Variants in ADGRV1 observed in about 807,000 individuals in gnomAD.
ADGRV1 encodes the protein adhesion G protein-coupled receptor V1.
ADGRV1 carries 359 observed loss-of-function variants against 596.2 expected under a neutral mutation model. That is an observed-to-expected ratio of 0.60 (90% confidence interval 0.55 to 0.66). The LOEUF is 0.66. ADGRV1 is among the 30% of genes least tolerant of loss of function. ADGRV1 has a pLI of 0.00. For missense variants in ADGRV1, 7,274 were observed against 7,575.6 expected, an observed-to-expected ratio of 0.96 and a Z score of 1.48; for synonymous variants, 2,681 against 2,679.2, an observed-to-expected ratio of 1.00 and a Z score of -0.02.
chr5:90,842,004 G>C (rs1314789382), intron 78 of ADGRV1, among the ~76,000 whole-genome samples: 3 of 152,146 alleles, frequency 2.0e-5, no homozygotes, highest in Non-Finnish European at 4.4e-5. Flanking sequence ...ATTATTACTT[G>C]AATTTTCTAA....
intron 85 of ADGRV1, among the ~76,000 whole-genome samples, chr5:91,003,566 AAAAC>A (rs1240944519): frequency 6.6e-6 from 1 of 152,184 alleles, no homozygotes; most frequent in Non-Finnish European, 1.5e-5. Flanking sequence ...ATCCCAGGAG[AAAAC>A]ATCTCGCCTT....
chr5:90,808,443 G>A (rs1371641909), intron 73 of ADGRV1, among the ~76,000 whole-genome samples: 1 of 152,182 alleles, frequency 6.6e-6, no homozygotes, highest in African/African-American at 2.4e-5. Context: ...GTGTATTCAA[G>A]TATGTTTGTG....
At chr5:91,151,687 G>A (rs961330046) in intron 88 of ADGRV1, among the ~76,000 whole-genome samples, 1 of 152,092 alleles carries the variant, frequency 6.6e-6, no homozygotes, top group Admixed American at 6.5e-5. Context: ...GCTGCATGTG[G>A]CTATTTAAAT....
At chr5:90,965,564 A>G (rs756024575) in intron 84 of ADGRV1, 33 bp downstream of exon 84, 34 of 1,243,882 alleles carry the variant, frequency 2.7e-5, no homozygotes, top group Non-Finnish European at 4.0e-5. Flanking sequence ...CCGCCCCTTT[A>G]ATCTTTTAAT....
Position 90,647,500 on chromosome 5 carries a change from C to A in ADGRV1, c.3025C>A (p.Pro1009Thr). 6.2e-7 allele frequency: 1 copy of A among 1,605,374 alleles called. No homozygotes were observed. The change falls in exon 17 of 90, where the codon CCT becomes ACT. Residue 1009 changes from proline (P) to threonine (T), a missense_variant and splice_region_variant. Physicochemically the swap from Pro to Thr is conservative, Grantham distance 38 (BLOSUM62 -1). Coordinates refer to ENST00000405460, the MANE Select transcript of ADGRV1 (RefSeq NM_032119.4). ...RNDDPIYFAE[P>T]RVVRVQEGET... ...TTCTTTCTTTGTGGATATTTCAGAA[C>A]CTCGTGTAGTGAGGGTTCAGGAAGG...
At position 90,652,462 on chromosome 5, in the gene ADGRV1, T is replaced by C. The variant is rs1416898949; in HGVS notation, c.3533T>C (p.Phe1178Ser). The C allele has an allele frequency of 6.2e-7, 1 of 1,613,570 alleles. No homozygotes were observed. Among genetic ancestry groups the C allele is most frequent in the Admixed American group, 1.7e-5 (1 of 60,026 alleles). Residue 1178 changes from phenylalanine (F) to serine (S), a missense_variant, in exon 19 of 90, where the codon TTC (phenylalanine) becomes TCC (serine). Around this residue, in one of 5 missense-constraint regions of ADGRV1, gnomAD observed 1,715 missense variants for 1,708.8 expected, o/e 1.00. Coordinates refer to ENST00000405460, the MANE Select transcript of ADGRV1 (RefSeq NM_032119.4). ...TATGAAACTTCAGGAACTGTTAACT[T>C]CATGGATGGAGAAGAAGCAAAACCA... ...EFYETSGTVN[F>S]MDGEEAKPII...
chr5:90,887,402 T>C (rs1380674425), intron 83 of ADGRV1, among the ~76,000 whole-genome samples: 2 of 152,158 alleles, frequency 1.3e-5, no homozygotes, highest in Non-Finnish European at 2.9e-5. Context: ...CTGTATTCTC[T>C]CAGTTCATTT....
chr5:90,637,969 T>A (rs1284283600), intron 11 of ADGRV1, 21 bp downstream of exon 11: 2 of 1,524,552 alleles, frequency 1.3e-6, no homozygotes, highest in Non-Finnish European at 1.8e-6. Context: ...ATTTAGGTAA[T>A]GTTTAGTATC....
Position 90,924,403 on chromosome 5 carries a change from G to A in ADGRV1, c.17857-41012G>A, listed in dbSNP as rs147117207. On this transcript the variant is annotated intron_variant, in intron 83 of 89. Transcript: ENST00000405460. ...CCAGTGATGACGAACATTTTTTCAT[G>A]TGTGTTTTGGCTGCATAAATGTCTT... Among the ~76,000 whole-genome samples, 726 of 151,872 alleles carry A rather than the reference G, an allele frequency of 4.8e-3. 9 individuals are homozygous for A. Among genetic ancestry groups the A allele is most frequent in the African/African-American group, 0.015 (623 of 41,344 alleles).
intron 20 of ADGRV1, among the ~76,000 whole-genome samples, chr5:90,657,573 C>T (rs117887917): frequency 2.4e-4 from 37 of 151,978 alleles, no homozygotes; most frequent in East Asian, 5.8e-4. Context: ...TACATGCATA[C>T]GTGTGTATGT....
Position 90,756,547 on chromosome 5 carries a change from C to T in ADGRV1, c.11674C>T (p.Arg3892Trp), listed in dbSNP as rs766913299. 31 of 1,612,794 alleles carry T rather than the reference C, an allele frequency of 1.9e-5. 1 individual carries two copies. In the South Asian group the frequency reaches 2.4e-4, roughly 13 times the overall value. The part of the protein sequence containing the change: ...SDFSTGQPSV[R>W]RPGMEIAEIM... ...CTTCTCTACAGGACAGCCAAGTGTG[C>T]GGAGGCCCGGAATGGAAATAGCTGA... The change falls in exon 56 of 90, where the codon CGG (arginine) becomes TGG (tryptophan). Residue 3892 changes from arginine to tryptophan, a missense_variant. Around this residue, in one of 5 missense-constraint regions of ADGRV1, gnomAD observed 3,643 missense variants for 3,809.2 expected, o/e 0.96. Transcript: ENST00000405460.
At position 90,829,203 on chromosome 5, in the gene ADGRV1, T is replaced by C. The variant is rs1764322173; in HGVS notation, c.16611+17T>C. ...AGTACCCAGGTAAGCATGGAATATA[T>C]ATATTCATACACGTTATGGTTTTCT... On this transcript the variant is annotated intron_variant, in intron 77 of 89. Coordinates refer to ENST00000405460, the MANE Select transcript of ADGRV1 (RefSeq NM_032119.4). 6.8e-7 allele frequency: 1 copy of C among 1,468,828 alleles called. No individual in the cohort carries two copies. Among genetic ancestry groups the C allele is most frequent in the Non-Finnish European group, 9.1e-7 (1 of 1,099,058 alleles). The allele number at this position is 1,468,828 out of a possible 1,614,324, so 91.0% of individuals were successfully genotyped here. A position where few individuals can be genotyped will look rare whatever the true frequency, so the allele number is the denominator to read the frequency against.
chr5:90,728,306 AT>A (rs1353112107), intron 48 of ADGRV1, among the ~76,000 whole-genome samples: 17 of 152,256 alleles, frequency 1.1e-4, no homozygotes, highest in Non-Finnish European at 2.2e-4. Context: ...AATGTTTCTT[AT>A]TCCGTTCTAA....
chr5:91,093,537 G>C (rs761825701), intron 86 of ADGRV1, among the ~76,000 whole-genome samples: 26 of 152,248 alleles, frequency 1.7e-4, no homozygotes, highest in Non-Finnish European at 2.9e-4. Flanking sequence ...CCATGTGCTA[G>C]GCACTGGGAA....
chr5:90,673,914 TTAA>T, intron 22 of ADGRV1, 137 bp from the exon 23 acceptor site: 5 of 621,954 alleles, frequency 8.0e-6, no homozygotes, highest in Non-Finnish European at 1.4e-5. Flanking sequence ...ATACAATGTT[TTAA>T]TGTTTTAATT....
At chr5:90,576,434 G>C (rs952120508) in intron 1 of ADGRV1, among the ~76,000 whole-genome samples, 4 of 152,118 alleles carry the variant, frequency 2.6e-5, no homozygotes, top group African/African-American at 7.2e-5. Context: ...CCCTGCAAAG[G>C]ACATGAACTC....
chr5:90,801,493 G>T (rs575340788), intron 70 of ADGRV1, among the ~76,000 whole-genome samples: 1 of 151,818 alleles, frequency 6.6e-6, no homozygotes, highest in Non-Finnish European at 1.5e-5. Context: ...TACAGGAGAG[G>T]TGCGATATAC....
At chr5:91,051,244 G>A (rs1012731759) in intron 85 of ADGRV1, among the ~76,000 whole-genome samples, 1 of 152,110 alleles carries the variant, frequency 6.6e-6, no homozygotes, top group Non-Finnish European at 1.5e-5. Context: ...TATACAGGAA[G>A]TCCCTGATTC....
At chr5:90,855,636 G>A in intron 81 of ADGRV1, 105 bp from the exon 82 acceptor site, 1 of 741,668 alleles carries the variant, frequency 1.3e-6, no homozygotes, top group Non-Finnish European at 2.2e-6. Context: ...CTTAAGTCTT[G>A]AGCAAAGAAC....
Sources: allele counts gnomAD v4.1 joint callset (sites outside exome capture counted in the v4.1 genomes callset), GRCh38; gene constraint gnomAD v4.1.1; regional missense constraint gnomAD v4.1.1; transcripts MANE v1.5; gene names NCBI Gene and HGNC (gene_info 2026-07-23, HGNC 2026-07-21).